SNX25: variants seen among roughly 807,000 people sequenced by gnomAD.
The protein encoded by SNX25 is sorting nexin 25.
In SNX25, 62 loss-of-function variants were observed where a neutral mutation model predicts 113.7. That is an observed-to-expected ratio of 0.55 (90% CI 0.44 to 0.67). The LOEUF (loss-of-function observed/expected upper bound fraction) is 0.67, where lower values mean the gene tolerates loss of function less well. SNX25 is among the 30% of genes least tolerant of loss of function. The pLI is 0.00. For synonymous variants in SNX25, 421 were observed against 436.2 expected, an observed-to-expected ratio of 0.97 and a Z score of 0.43; for missense variants, 1,014 against 1,161.0, an observed-to-expected ratio of 0.87 and a Z score of 1.84.
At chr4:185,305,966 G>T (rs539864904) in intron 6 of SNX25, among the ~76,000 whole-genome samples, 8 of 152,194 alleles carry the variant, frequency 5.3e-5, no homozygotes, top group African/African-American at 1.9e-4. Context: ...GTGTTTCACT[G>T]GCCACTTCTT....
chr4:185,333,708 T>A (rs1032930125), intron 10 of SNX25, among the ~76,000 whole-genome samples: 5 of 152,232 alleles, frequency 3.3e-5, no homozygotes, highest in African/African-American at 1.2e-4. Context: ...GTAATGTTTT[T>A]ACAAAATTGT....
In SNX25 at chr4:185,337,169, G is replaced by C. The variant is rs150664239; in HGVS notation, c.1915-2210G>C. 7.9e-5 allele frequency among the ~76,000 whole-genome samples: 12 copies of C among 151,996 alleles called. No individual in the cohort carries two copies. In the East Asian group the frequency reaches 2.3e-3, roughly 29 times the overall value. On this transcript the variant is annotated intron_variant, in intron 10 of 18. Coordinates refer to ENST00000652585, the MANE Select transcript of SNX25 (RefSeq NM_001378034.2). ...CTGTGCAGTAGCATTTTAGTGTTTT[G>C]CAACTGTCACCACCATCCATCACCA...
chr4:185,275,029 G>A (rs148364619), intron 5 of SNX25, among the ~76,000 whole-genome samples: 155 of 152,296 alleles, frequency 1.0e-3, no homozygotes, highest in African/African-American at 3.7e-3. Flanking sequence ...CTGTTTGTGA[G>A]TCTCGGCTGG....
chr4:185,249,169 T>C (rs1011755669), intron 2 of SNX25, among the ~76,000 whole-genome samples: 1 of 152,218 alleles, frequency 6.6e-6, no homozygotes, highest in African/African-American at 2.4e-5. Flanking sequence ...AGGAGTAGAA[T>C]TGCTGAGCCA....
At chr4:185,214,817 G>A (rs550767813) in intron 1 of SNX25, among the ~76,000 whole-genome samples, 15 of 152,294 alleles carry the variant, frequency 9.8e-5, no homozygotes, top group African/African-American at 3.4e-4. Context: ...CAAAGCATGT[G>A]CTCAACAGAT....
chr4:185,231,914 C>G (rs1741936064), intron 1 of SNX25, among the ~76,000 whole-genome samples: 1 of 152,106 alleles, frequency 6.6e-6, no homozygotes. Context: ...TGCAGCTAGT[C>G]TTTTATGGCA....
chr4:185,324,546 G>A (rs1033745208), intron 9 of SNX25, among the ~76,000 whole-genome samples: 2 of 151,774 alleles, frequency 1.3e-5, no homozygotes, highest in African/African-American at 4.8e-5. Flanking sequence ...CAGAGGGGAG[G>A]TTATCTTGGG....
At chr4:185,375,661 G>C in the SNX25 span, 1 of 1,611,946 alleles carries the variant, frequency 6.2e-7, no homozygotes. Context: ...CTCCTAGCTG[G>C]TAAGTTGCTT....
chr4:185,351,682 G>GCACACGCCT, intron 14 of SNX25, 73 bp downstream of exon 14: 1 of 1,479,764 alleles, frequency 6.8e-7, no homozygotes, highest in South Asian at 1.3e-5. Flanking sequence ...CCTCATGGGG[G>GCACACGCCT]GAAGCAAATC....
At chr4:185,230,869 G>A (rs141353435) in intron 1 of SNX25, among the ~76,000 whole-genome samples, 1 of 152,222 alleles carries the variant, frequency 6.6e-6, no homozygotes, top group East Asian at 1.9e-4. Flanking sequence ...CTAAAAATCT[G>A]CATTTGAACA....
At chr4:185,268,436 A>G (rs974017251) in intron 5 of SNX25, among the ~76,000 whole-genome samples, 3 of 152,148 alleles carry the variant, frequency 2.0e-5, no homozygotes, top group Admixed American at 2.0e-4. Context: ...TAGTATATAC[A>G]CATTTAGTAT....
Position 185,210,597 on chromosome 4 carries a change from C to T in SNX25, c.429+342C>T, listed in dbSNP as rs993983121. 4.6e-5 allele frequency among the ~76,000 whole-genome samples: 7 copies of T among 152,090 alleles called. No individual in the cohort carries two copies. Among genetic ancestry groups the T allele is most frequent in the Non-Finnish European group, 1.0e-4 (7 of 68,028 alleles). ...TGGGAGGGGAAGAAGGGAATCACAGCGTTCGCTACGTGCAGGCTCTGCGCA... is the reference window on the plus strand; with the variant it reads ...TGGGAGGGGAAGAAGGGAATCACAGTGTTCGCTACGTGCAGGCTCTGCGCA... On this transcript the variant is annotated intron_variant, in intron 1 of 18. Transcript: ENST00000652585. This position sits in a 1 kb window ranked among gnomAD's most constrained non-coding sequence, Gnocchi z 4.4.
downstream of SNX25, chr4:185,367,063 TA>T: frequency 2.2e-6 from 2 of 903,562 alleles, no homozygotes; most frequent in Non-Finnish European, 1.7e-6. Context: ...ATGTCACCTG[TA>T]AAATACCCAG....
At chr4:185,357,114 C>T (rs761578014) in intron 15 of SNX25, among the ~76,000 whole-genome samples, 2 of 152,108 alleles carry the variant, frequency 1.3e-5, no homozygotes, top group Non-Finnish European at 2.9e-5. Context: ...GCACTGGAGA[C>T]GGCCAAATTC....
At chr4:185,291,859 C>G (rs531807154) in intron 6 of SNX25, among the ~76,000 whole-genome samples, 1 of 152,266 alleles carries the variant, frequency 6.6e-6, no homozygotes, top group South Asian at 2.1e-4. Context: ...CGAATAAGAT[C>G]GCTTTAGTAG....
intron 1 of SNX25, among the ~76,000 whole-genome samples, chr4:185,212,508 C>CTTTTTTTTTTTTTT (rs1738096887): frequency 3.1e-5 from 1 of 31,898 alleles, no homozygotes; most frequent in Non-Finnish European, 7.0e-5. Flanking sequence ...TTTTTTTTTG[C>CTTTTTTTTTTTTTT]TTTGAGACAG....
intron 1 of SNX25, among the ~76,000 whole-genome samples, chr4:185,212,157 G>A (rs77014105): frequency 0.015 from 2,289 of 152,016 alleles, 35 homozygotes; most frequent in South Asian, 0.069. Flanking sequence ...AGTGCATTAG[G>A]GGCTGGGCAC....
chr4:185,335,822 G>T (rs577599581), intron 10 of SNX25, among the ~76,000 whole-genome samples: 1 of 152,302 alleles, frequency 6.6e-6, no homozygotes, highest in South Asian at 2.1e-4. Context: ...GTGTAACATA[G>T]AGTGACACCT....
chr4:185,314,309 A>T (rs1029692475), intron 7 of SNX25, among the ~76,000 whole-genome samples: 5 of 142,234 alleles, frequency 3.5e-5, no homozygotes, highest in Admixed American at 7.4e-5. Flanking sequence ...GGAACATACA[A>T]GACTCCCCTC....
Sources: gnomAD v4.1 joint callset for allele counts (sites outside exome capture counted in the v4.1 genomes callset) on GRCh38, gnomAD v4.1.1 for gene constraint, Gnocchi (gnomAD v3.1) non-coding constraint, MANE v1.5 for transcripts, NCBI Gene and HGNC (gene_info 2026-07-23, HGNC 2026-07-21) for gene names.